The following COL2A1 variants were observed in gnomAD, a reference collection of about 807,000 sequenced individuals.
COL2A1 encodes collagen alpha-1(II) chain.
A neutral mutation model predicts 204.5 loss-of-function variants in COL2A1; 28 were observed. That is an observed-to-expected ratio of 0.14 (90% CI 0.10 to 0.19). The LOEUF (loss-of-function observed/expected upper bound fraction) is 0.19. Ranked by LOEUF, COL2A1 falls within the 10% of genes least tolerant of loss-of-function variation. The probability of loss-of-function intolerance (pLI) is 1.00; values close to 1 mark genes in which losing one functional copy is unlikely to be tolerated. For missense variants in COL2A1, 1,388 were observed against 2,027.5 expected, an observed-to-expected ratio of 0.68 and a Z score of 6.06; for synonymous variants, 708 against 718.7, an observed-to-expected ratio of 0.99 and a Z score of 0.24.
intron 2 of COL2A1, chr12:47,998,798 G>A (rs754342625): frequency 2.8e-5 from 7 of 247,606 alleles, no homozygotes; most frequent in South Asian, 1.4e-4. Flanking sequence ...AGCCGTTCCC[G>A]AACCCCAAGC....
In COL2A1 at chr12:47,997,613, A is replaced by AGACCAGGGG; in HGVS notation, c.515_523dup (p.Pro172_Gly174dup). 1.2e-6 allele frequency: 2 copies of AGACCAGGGG among 1,613,990 alleles called. No individual in the cohort carries two copies. Among genetic ancestry groups the AGACCAGGGG allele is most frequent in the Non-Finnish European group, 1.7e-6 (2 of 1,180,016 alleles). On this transcript the variant is annotated inframe_insertion, in exon 7 of 54. Coordinates refer to ENST00000380518, the MANE Select transcript of COL2A1 (RefSeq NM_001844.5). The stretch of plus-strand genomic sequence containing the variant: ...GGAAGTAAGGATACTTACTCCACCA[A>AGACCAGGGG]GACCAGGGGGACCAGGGGGGCCGGG...
rs745555906 is a variant in COL2A1 at position 47,992,863 on chromosome 12, T to C, written c.1023+15A>G. On this transcript the variant is annotated intron_variant, in intron 16 of 53. Coordinates refer to ENST00000380518, the MANE Select transcript of COL2A1 (RefSeq NM_001844.5). Reference sequence around the variant, plus strand: ...GCTCGGCAAATGGTGGTGTTTGGCTTTGTCAATTACTCACCGCAGCGCCAG... The same window carrying C: ...GCTCGGCAAATGGTGGTGTTTGGCTCTGTCAATTACTCACCGCAGCGCCAG... 4 of 1,613,920 alleles carry C rather than the reference T, an allele frequency of 2.5e-6. No homozygotes were observed. Among genetic ancestry groups the C allele is most frequent in the Admixed American group, 3.3e-5 (2 of 60,008 alleles).
chr12:47,979,370 T>C (rs1938909696), intron 41 of COL2A1, 141 bp downstream of exon 41: 1 of 879,770 alleles, frequency 1.1e-6, no homozygotes, highest in East Asian at 2.5e-5. Flanking sequence ...TAGGTCCCCA[T>C]GATCAGTTAG....
At chr12:47,989,091 G>T in intron 18 of COL2A1, 137 bp downstream of exon 18, 2 of 740,710 alleles carry the variant, frequency 2.7e-6, no homozygotes, top group South Asian at 3.0e-5. Flanking sequence ...TGGATGGAGG[G>T]GCCAGTGGGT....
At chr12:47,983,571 T>C (rs1326207675) in intron 30 of COL2A1, 112 bp downstream of exon 30, 1 of 1,446,382 alleles carries the variant, frequency 6.9e-7, no homozygotes, top group Non-Finnish European at 9.6e-7. Context: ...GAAGGCTCGA[T>C]GCCTGGCACC....
chr12:47,989,399 G>T, intron 17 of COL2A1, 118 bp from the exon 18 acceptor site: 1 of 903,178 alleles, frequency 1.1e-6, no homozygotes, highest in Non-Finnish European at 1.8e-6. Flanking sequence ...CATATCCATT[G>T]TGGCTAAAAG....
rs1939819958 is a variant in COL2A1, at chr12:47,993,813, A to T, written c.920T>A (p.Val307Glu). The T allele has an allele frequency of 1.2e-6, 2 of 1,613,674 alleles. No homozygotes were observed. The highest frequency in any genetic ancestry group is 1.7e-6 in the Non-Finnish European group (2 of 1,179,858). ...GAKGEAGAPG[V>E]KGESGSPGEN... Reference sequence around the variant, plus strand: ...TTGTACTTTCTGGCCTCTCACCTTCACACCAGGAGCACCCGCCTCTCCCTT... The same window carrying T: ...TTGTACTTTCTGGCCTCTCACCTTCTCACCAGGAGCACCCGCCTCTCCCTT... The change falls in exon 14 of 54, where the codon GTG becomes GAG. Residue 307 changes from valine to glutamate, a missense_variant. Physicochemically the swap from Val to Glu is moderately radical, Grantham distance 121. Coordinates refer to ENST00000380518, the MANE Select transcript of COL2A1 (RefSeq NM_001844.5).
Position 47,977,123 on chromosome 12 carries a change from T to C in COL2A1, c.3306A>G (p.Pro1102=). ...GAQGPMGPSG[P]AGARGIQGPQ... is the part of the protein sequence containing the mutation. ...TCACCTGGATTCCCCGGGCTCCAGC[T>C]GGTCCTGAGGGTCCCATGGGGCCTT... Residue 1102 remains proline, a synonymous_variant, in exon 47 of 54, where the codon CCA becomes CCG. Coordinates refer to ENST00000380518, the MANE Select transcript of COL2A1 (RefSeq NM_001844.5). 1 of 1,609,832 alleles carries C rather than the reference T, an allele frequency of 6.2e-7. No individual in the cohort carries two copies.
chr12:47,996,982 CT>C (rs1216524730), intron 7 of COL2A1, among the ~76,000 whole-genome samples: 2 of 152,152 alleles, frequency 1.3e-5, no homozygotes, highest in Non-Finnish European at 2.9e-5. Context: ...TTCTTTAAGA[CT>C]TTAGTGCCCA....
chr12:47,996,087 CTA>C (rs1487887231), intron 8 of COL2A1, among the ~76,000 whole-genome samples, 168 bp from the exon 9 acceptor site: 3 of 152,186 alleles, frequency 2.0e-5, no homozygotes, highest in African/African-American at 7.2e-5. Flanking sequence ...ACGCAACACT[CTA>C]TTTTTATTTA....
chr12:47,977,371 G>A lies in COL2A1; in HGVS notation c.3222C>T (p.Gly1074=). The change falls in exon 46 of 54, where the codon GGC becomes GGT. Residue 1074 remains glycine (G), a synonymous_variant. Coordinates refer to ENST00000380518, the MANE Select transcript of COL2A1 (RefSeq NM_001844.5). ...CAGTTGGACCAGCGGGGCCAGGGGA[G>A]CCAGGGGGCCCAGGGGCTCCAGGAG... is the stretch of plus-strand genomic sequence containing the variant. ...VGAPGAPGPP[G]SPGPAGPTGK... is the part of the protein sequence containing the mutation. The A allele has an allele frequency of 6.2e-7, 1 of 1,613,776 alleles. No individual in the cohort carries two copies. Among genetic ancestry groups the A allele is most frequent in the African/African-American group, 1.3e-5 (1 of 75,010 alleles).
At position 47,980,484 on chromosome 12, in the gene COL2A1, G is replaced by A. The variant is rs1452564080; in HGVS notation, c.2625+70C>T. On this transcript the variant is annotated intron_variant, in intron 39 of 53. Coordinates refer to ENST00000380518, the MANE Select transcript of COL2A1 (RefSeq NM_001844.5). The surrounding 1 kb of genome is among the most constrained non-coding windows in gnomAD (Gnocchi z 4.5). ...CGAACCATCCTCTGCGCAGCCTGCT[G>A]GGGCCTTCCCATCTGCACGCCAGGA... The A allele has an allele frequency of 6.7e-5, 92 of 1,365,074 alleles. No homozygotes were observed. Among genetic ancestry groups the A allele is most frequent in the Non-Finnish European group, 9.0e-5 (88 of 976,080 alleles). The allele number at this position is 1,365,074 out of a possible 1,614,324, so 84.6% of individuals were successfully genotyped here.
Position 47,982,616 on chromosome 12 carries a change from A to C in COL2A1, c.2194-7T>G. ...CTGCTGGGCCAGATGCACCCTGGGG[A>C]GGGAGGTAAGAGGGAGTCTGTAGTG... is the stretch of plus-strand genomic sequence containing the variant. On this transcript the variant is annotated splice_polypyrimidine_tract_variant and splice_region_variant and intron_variant, in intron 33 of 53. Transcript: ENST00000380518. 6.2e-7 allele frequency: 1 copy of C among 1,601,590 alleles called. No individual in the cohort carries two copies. Among genetic ancestry groups the C allele is most frequent in the East Asian group, 2.2e-5 (1 of 44,782 alleles).
In COL2A1 at chr12:47,978,115, A is replaced by G; in HGVS notation, c.3006T>C (p.Gly1002=). The G allele has an allele frequency of 6.2e-7, 1 of 1,612,272 alleles. No homozygotes were observed. Among genetic ancestry groups the G allele is most frequent in the South Asian group, 1.1e-5 (1 of 90,702 alleles). The change falls in exon 44 of 54, where the codon GGT becomes GGC. Residue 1002 remains glycine, a splice_region_variant and synonymous_variant. Coordinates refer to ENST00000380518, the MANE Select transcript of COL2A1 (RefSeq NM_001844.5). The surrounding 1 kb of genome is among the most constrained non-coding windows in gnomAD (Gnocchi z 5.5). ...RGFPGLPGPS[G]EPGKQGAPGA... ...CAGGAGCACCCTGCTTGCCGGGCTC[A>G]CCCTGGAGGGACAGAGACAAGGATG...
chr12:47,994,318 C>G lies in COL2A1; in HGVS notation c.816+106G>C, dbSNP rs1006502397. The G allele has an allele frequency of 2.8e-5, 34 of 1,205,068 alleles. No homozygotes were observed. The East Asian group carries it at 8.3e-4, about 29-fold the overall frequency. 74.6% of individuals were successfully genotyped at this position (1,205,068 alleles called of 1,614,324 possible). A position where few individuals can be genotyped will look rare whatever the true frequency, so the allele number is the denominator to read the frequency against. ...TCGTGATAAATATAGGGGCTACTGG[C>G]GTTTCATCTCAGAAGTGACCTCATT... On this transcript the variant is annotated intron_variant, in intron 12 of 53. Coordinates refer to ENST00000380518, the MANE Select transcript of COL2A1 (RefSeq NM_001844.5).
Position 47,976,448 on chromosome 12 carries a change from C to T in COL2A1, c.3489+66G>A. The T allele has an allele frequency of 6.4e-7, 1 of 1,554,788 alleles. No individual in the cohort carries two copies. Reference sequence around the variant, plus strand: ...CCCCAGAAGCAGCAGCATTTCCCTCCCCATGGGAACACAGGCCCACACTCT... The same window carrying T: ...CCCCAGAAGCAGCAGCATTTCCCTCTCCATGGGAACACAGGCCCACACTCT... On this transcript the variant is annotated intron_variant, in intron 49 of 53. Coordinates refer to ENST00000380518, the MANE Select transcript of COL2A1 (RefSeq NM_001844.5). This position sits in a 1 kb window ranked among gnomAD's most constrained non-coding sequence, Gnocchi z 4.3.
At chr12:47,992,962 G>T in intron 15 of COL2A1, 31 bp from the exon 16 acceptor site, 1 of 1,612,700 alleles carries the variant, frequency 6.2e-7, no homozygotes, top group South Asian at 1.1e-5. Flanking sequence ...GCCTAAGCAT[G>T]AGTTGGCTTT....
intron 15 of COL2A1, among the ~76,000 whole-genome samples, 183 bp downstream of exon 15, chr12:47,993,275 T>A (rs1194599435): frequency 6.6e-6 from 1 of 152,210 alleles, no homozygotes; most frequent in Non-Finnish European, 1.5e-5. Flanking sequence ...ATAAAATGGG[T>A]ATCTTAAGGA....
intron 30 of COL2A1, 64 bp from the exon 31 acceptor site, chr12:47,983,502 C>T: frequency 6.4e-7 from 1 of 1,557,638 alleles, no homozygotes; most frequent in Non-Finnish European, 8.8e-7. Context: ...CCCAGGGAGG[C>T]ACAGTATAGG....
Sources: gnomAD v4.1 joint callset for allele counts (sites outside exome capture counted in the v4.1 genomes callset) on GRCh38, gnomAD v4.1.1 for gene constraint, Gnocchi (gnomAD v3.1) non-coding constraint, MANE v1.5 for transcripts, NCBI Gene and HGNC (gene_info 2026-07-23, HGNC 2026-07-21) for gene names.